AMBN: variants seen among roughly 807,000 people sequenced by gnomAD.
AMBN encodes the protein enamel matrix protein.
A neutral mutation model predicts 48.0 loss-of-function variants in AMBN; 54 were observed. The observed-to-expected ratio is 1.12, with a 90% CI of 0.90 to 1.41. AMBN has a LOEUF of 1.41. Ranked by LOEUF, AMBN falls within the 40% of genes most tolerant of loss-of-function variation. The pLI, the probability that AMBN is intolerant of heterozygous loss-of-function variation, is 0.00. For synonymous variants in AMBN, 186 were observed against 190.0 expected, an observed-to-expected ratio of 0.98 and a Z score of 0.17; for missense variants, 571 against 547.3, an observed-to-expected ratio of 1.04 and a Z score of -0.43.
chr4:70,601,290 AC>A (rs1274703944), intron 5 of AMBN, 127 bp from the exon 6 acceptor site: 4 of 941,640 alleles, frequency 4.2e-6, no homozygotes, highest in Non-Finnish European at 6.5e-6. Context: ...TGTAAACTCA[AC>A]TTCAAGACAA....
At chr4:70,595,610 C>T (rs1248717524) in intron 2 of AMBN, among the ~76,000 whole-genome samples, 1 of 152,092 alleles carries the variant, frequency 6.6e-6, no homozygotes, top group African/African-American at 2.4e-5. Flanking sequence ...TCTTTAACTT[C>T]TTACTCATAA....
intron 2 of AMBN, among the ~76,000 whole-genome samples, chr4:70,595,393 G>T (rs1396220641): frequency 6.6e-6 from 1 of 151,672 alleles, no homozygotes; most frequent in African/African-American, 2.4e-5. Context: ...CGCCATGTTG[G>T]CCAGGCTGAT....
chr4:70,606,832 G>C lies in AMBN; in HGVS notation c.*102G>C. 7.7e-7 allele frequency: 1 copy of C among 1,290,324 alleles called. No individual in the cohort carries two copies. The highest frequency in any genetic ancestry group is 1.0e-6 in the Non-Finnish European group (1 of 959,666). The allele number at this position is 1,290,324 out of a possible 1,614,324, so 79.9% of individuals were successfully genotyped here. ...ACACTTATTACCCTTCTGCAGCAAA[G>C]GCATTAAAAGCGCTAAGCATATATT... On this transcript the variant is annotated 3_prime_UTR_variant, in exon 13 of 13. Coordinates refer to ENST00000322937, the MANE Select transcript of AMBN (RefSeq NM_016519.6).
At chr4:70,602,397 G>C (rs1049565550) in intron 6 of AMBN, among the ~76,000 whole-genome samples, 1 of 152,070 alleles carries the variant, frequency 6.6e-6, no homozygotes, top group Non-Finnish European at 1.5e-5. Context: ...CTCCCTGCAG[G>C]TACATTTGAG....
At position 70,602,584 on chromosome 4, in the gene AMBN, A is replaced by G. The variant is rs764939749; in HGVS notation, c.532-40A>G. On this transcript the variant is annotated intron_variant, in intron 6 of 12. Transcript: ENST00000322937. The stretch of plus-strand genomic sequence containing the variant: ...TAATGTCACTTTGTCTATTTTGTTT[A>G]TTTTTTGACTGATAATTTTAATATT... 18 of 1,450,866 alleles carry G rather than the reference A, an allele frequency of 1.2e-5. 1 individual carries two copies. The South Asian group carries it at 2.5e-4, about 20-fold the overall frequency. The allele number at this position is 1,450,866 out of a possible 1,614,324, so 89.9% of individuals were successfully genotyped here. A position where few individuals can be genotyped will look rare whatever the true frequency, so the allele number is the denominator to read the frequency against.
intron 6 of AMBN, among the ~76,000 whole-genome samples, chr4:70,602,415 A>C (rs1016371555): frequency 6.6e-6 from 1 of 152,212 alleles, no homozygotes; most frequent in Non-Finnish European, 1.5e-5. Context: ...GAGTAATGTT[A>C]GTAAAAGACC....
At position 70,596,999 on chromosome 4, in the gene AMBN, T is replaced by C; in HGVS notation, c.85T>C (p.Phe29Leu). 3.1e-6 allele frequency: 5 copies of C among 1,613,368 alleles called. No individual in the cohort carries two copies. The highest frequency in any genetic ancestry group is 4.2e-6 in the Non-Finnish European group (5 of 1,179,526). The change falls in exon 3 of 13, where the codon TTC becomes CTC. Residue 29 changes from phenylalanine (F) to leucine (L), a missense_variant and splice_region_variant. By Grantham distance (22) the Phe-to-Leu change is conservative (BLOSUM62 0). Coordinates refer to ENST00000322937, the MANE Select transcript of AMBN (RefSeq NM_016519.6). The stretch of plus-strand genomic sequence containing the variant: ...CAAAATTATTCTTATTTTCATTCAG[T>C]TCTTTCCTCAGCAATCTGGAACACC... ...CLLEMSFAVPFFPQQSGTPGM... is the reference protein window; with the variant it reads ...CLLEMSFAVPLFPQQSGTPGM...
At chr4:70,602,097 T>C (rs1207232895) in intron 6 of AMBN, among the ~76,000 whole-genome samples, 1 of 151,902 alleles carries the variant, frequency 6.6e-6, no homozygotes, top group Non-Finnish European at 1.5e-5. Flanking sequence ...TGTAATAATG[T>C]AGAGAAAAGT....
chr4:70,596,895 C>A, intron 2 of AMBN, 104 bp from the exon 3 acceptor site: 1 of 838,446 alleles, frequency 1.2e-6, no homozygotes, highest in Non-Finnish European at 1.8e-6. Flanking sequence ...AAAATGGTGG[C>A]CTCTCAGGTA....
chr4:70,601,707 G>GA (rs1737525657), intron 6 of AMBN, 53 bp downstream of exon 6: 1 of 1,543,814 alleles, frequency 6.5e-7, no homozygotes, highest in East Asian at 2.2e-5. Flanking sequence ...CCTAATAGAA[G>GA]AAAACGAATT....
chr4:70,599,915 A>T (rs1737480647), intron 5 of AMBN, among the ~76,000 whole-genome samples: 1 of 152,226 alleles, frequency 6.6e-6, no homozygotes, highest in African/African-American at 2.4e-5. Context: ...CAATCCTCGA[A>T]AATCAAAGCA....
intron 2 of AMBN, among the ~76,000 whole-genome samples, chr4:70,594,369 C>A (rs1737346644): frequency 6.6e-6 from 1 of 152,212 alleles, no homozygotes; most frequent in Admixed American, 6.5e-5. Context: ...ATCACAAAAA[C>A]TTTATTTGGC....
At chr4:70,606,117 G>C (rs983746978) in intron 12 of AMBN, 68 bp from the exon 13 acceptor site, 7 of 1,549,464 alleles carry the variant, frequency 4.5e-6, no homozygotes, top group Non-Finnish European at 6.2e-6. Flanking sequence ...AATGTGACCA[G>C]GTATAGCTGC....
At chr4:70,603,144 T>A in intron 9 of AMBN, 116 bp from the exon 10 acceptor site, 1 of 1,343,050 alleles carries the variant, frequency 7.4e-7, no homozygotes, top group African/African-American at 1.5e-5. Context: ...CTCTTAAATA[T>A]TAAATACTTA....
chr4:70,599,612 C>T lies in AMBN; in HGVS notation c.260C>T (p.Pro87Leu). The T allele has an allele frequency of 1.2e-6, 2 of 1,613,354 alleles. No homozygotes were observed. The highest frequency in any genetic ancestry group is 1.7e-6 in the Non-Finnish European group (2 of 1,179,650). The stretch of plus-strand genomic sequence containing the variant: ...CTCCTCCCACCACATTCCTCTCTTC[C>T]ATGGATGAGGCCAAGAGAACATGAA... ...HGLLPPHSSL[P>L]WMRPREHETQ... Residue 87 changes from proline (P) to leucine (L), a missense_variant, in exon 5 of 13, where the codon CCA becomes CTA. By Grantham distance (98) the Pro-to-Leu change is moderately conservative (BLOSUM62 -3). Coordinates refer to ENST00000322937, the MANE Select transcript of AMBN (RefSeq NM_016519.6).
At chr4:70,598,320 T>A (rs1269899352) in intron 3 of AMBN, 36 bp from the exon 4 acceptor site, 1 of 1,504,422 alleles carries the variant, frequency 6.6e-7, no homozygotes, top group East Asian at 2.4e-5. Flanking sequence ...ACACAGCATA[T>A]GCGATAAACA....
intron 2 of AMBN, among the ~76,000 whole-genome samples, chr4:70,595,096 C>T (rs1322613423): frequency 2.0e-5 from 3 of 152,010 alleles, no homozygotes; most frequent in Non-Finnish European, 4.4e-5. Context: ...ACCACATACA[C>T]ACATACATGC....
rs1407436263 is a variant in AMBN at position 70,601,427 on chromosome 4, T to G, written c.304T>G (p.Ser102Ala). The change falls in exon 6 of 13, where the codon TCT becomes GCT. Residue 102 changes from serine (S) to alanine (A), a missense_variant. Transcript: ENST00000322937. ...TCAAATTTCTCTGCAGTATGAATAT[T>G]CTTTGCCTGTGCATCCCCCACCTCT... ...REHETQQYEYSLPVHPPPLPS... is the reference protein window; with the variant it reads ...REHETQQYEYALPVHPPPLPS... The G allele has an allele frequency of 1.2e-6, 2 of 1,613,868 alleles. No individual in the cohort carries two copies. Among genetic ancestry groups the G allele is most frequent in the Admixed American group, 1.7e-5 (1 of 60,008 alleles).
rs1250211975 is a variant in AMBN at position 70,606,456 on chromosome 4, C to G, written c.1070C>G (p.Pro357Arg). The G allele has an allele frequency of 1.2e-6, 2 of 1,613,950 alleles. No homozygotes were observed. The highest frequency in any genetic ancestry group is 1.7e-6 in the Non-Finnish European group (2 of 1,179,978). Residue 357 changes from proline (P) to arginine (R), a missense_variant, in exon 13 of 13, where the codon CCT (proline) becomes CGT (arginine). Coordinates refer to ENST00000322937, the MANE Select transcript of AMBN (RefSeq NM_016519.6). ...CCCCACGCAGGGCTCCTTGCTCTCC[C>G]TAAGGATGACATTCCCGGCCTGCCA... is the stretch of plus-strand genomic sequence containing the variant. ...PAPHAGLLAL[P>R]KDDIPGLPRS... is the part of the protein sequence containing the mutation.
Sources: allele counts gnomAD v4.1 joint callset (sites outside exome capture counted in the v4.1 genomes callset), GRCh38; gene constraint gnomAD v4.1.1; transcripts MANE v1.5; gene names NCBI Gene and HGNC (gene_info 2026-07-23, HGNC 2026-07-21).